ZNF432: variants seen among roughly 807,000 people sequenced by gnomAD.
ZNF432 encodes the protein zinc finger protein 432.
A neutral mutation model predicts 13.9 loss-of-function variants in ZNF432; 10 were observed. That is an observed-to-expected ratio of 0.72 (90% CI 0.44 to 1.22). The LOEUF (loss-of-function observed/expected upper bound fraction) is 1.22. Among genes scored for constraint, ZNF432 ranks in the 50% most tolerant of loss-of-function variants. The probability of loss-of-function intolerance (pLI) is 0.00; values close to 1 mark genes in which losing one functional copy is unlikely to be tolerated. For missense variants in ZNF432, 793 were observed against 796.2 expected, an observed-to-expected ratio of 1.00 and a Z score of 0.05; for synonymous variants, 247 against 256.2, an observed-to-expected ratio of 0.96 and a Z score of 0.34.
intron 1 of ZNF432, among the ~76,000 whole-genome samples, chr19:52,047,975 C>G (rs80029787): frequency 0.016 from 2,469 of 152,026 alleles, 75 homozygotes; most frequent in African/African-American, 0.056. Context: ...CCCCTTCACC[C>G]CCAAAAAACT....
chr19:52,033,957 A>C lies in ZNF432; in HGVS notation c.1722T>G (p.Cys574Trp). ...TEEKSCICSECGRGFAKETEL... is the reference protein window; with the variant it reads ...TEEKSCICSEWGRGFAKETEL... Reference sequence around the variant, plus strand: ...CTGTTTCCTTGGCAAAGCCTCTTCCACATTCACTACATATACAAGATTTCT... The same window carrying C: ...CTGTTTCCTTGGCAAAGCCTCTTCCCCATTCACTACATATACAAGATTTCT... Residue 574 changes from cysteine to tryptophan, a missense_variant, in exon 5 of 5, where the codon TGT (cysteine) becomes TGG (tryptophan). By Grantham distance (215) the Cys-to-Trp change is radical. Coordinates refer to ENST00000221315, the MANE Select transcript of ZNF432 (RefSeq NM_014650.4). The C allele has an allele frequency of 6.2e-7, 1 of 1,614,020 alleles. No homozygotes were observed. Among genetic ancestry groups the C allele is most frequent in the South Asian group, 1.1e-5 (1 of 91,058 alleles).
rs2087041172 is a variant in ZNF432 at position 52,033,917 on chromosome 19, T to C, written c.1762A>G (p.Lys588Glu). The change falls in exon 5 of 5, where the codon AAG becomes GAG. Residue 588 changes from lysine (K) to glutamate (E), a missense_variant. Transcript: ENST00000221315. ...FAKETELALH[K>E]QVHTGEKPYG... ...GGTTTTTCTCCAGTATGAACTTGCTTATGTAAAGCAAGCTCTGTTTCCTTG... is the reference window on the plus strand; with the variant it reads ...GGTTTTTCTCCAGTATGAACTTGCTCATGTAAAGCAAGCTCTGTTTCCTTG... 1.2e-6 allele frequency: 2 copies of C among 1,613,752 alleles called. No homozygotes were observed. Among genetic ancestry groups the C allele is most frequent in the African/African-American group, 1.3e-5 (1 of 74,898 alleles).
chr19:52,035,520 T>C, intron 4 of ZNF432, 80 bp from the exon 5 acceptor site: 1 of 1,110,098 alleles, frequency 9.0e-7, no homozygotes. Flanking sequence ...AAATCCTTGG[T>C]GTTTTATTTT....
intron 3 of ZNF432, among the ~76,000 whole-genome samples, chr19:52,041,093 A>G (rs1405100225): frequency 1.3e-5 from 2 of 152,164 alleles, no homozygotes; most frequent in Non-Finnish European, 2.9e-5. Flanking sequence ...AGACCGAGAC[A>G]CTGTCTCTAA....
chr19:52,039,253 C>T (rs1045342071), intron 4 of ZNF432, among the ~76,000 whole-genome samples: 5 of 152,136 alleles, frequency 3.3e-5, no homozygotes, highest in African/African-American at 1.2e-4. Context: ...TGAAAACATA[C>T]GTTCCTAAAA....
chr19:52,043,021 G>A lies in ZNF432; in HGVS notation c.16-1415C>T, dbSNP rs2087149950. Among the ~76,000 whole-genome samples the A allele has an allele frequency of 2.0e-5, 3 of 152,280 alleles. No homozygotes were observed. The South Asian group carries it at 6.2e-4, about 32-fold the overall frequency. On this transcript the variant is annotated intron_variant, in intron 2 of 4. Transcript: ENST00000221315. ...TATGGCCTAGCCCTGAATGCCACTGGAAAATAAATTGAGACCCTCTTGTCA... is the reference window on the plus strand; with the variant it reads ...TATGGCCTAGCCCTGAATGCCACTGAAAAATAAATTGAGACCCTCTTGTCA...
At chr19:52,047,653 A>G (rs2087198667) in intron 1 of ZNF432, among the ~76,000 whole-genome samples, 1 of 151,444 alleles carries the variant, frequency 6.6e-6, no homozygotes, top group Non-Finnish European at 1.5e-5. Context: ...CCTGGGCGAC[A>G]AAAGCAAGAC....
intron 2 of ZNF432, among the ~76,000 whole-genome samples, chr19:52,044,228 G>A (rs895502251): frequency 5.3e-5 from 8 of 151,758 alleles, no homozygotes; most frequent in African/African-American, 1.7e-4. Context: ...TATTTCACAC[G>A]AGAAATAAAT....
At chr19:52,042,744 T>C (rs533018226) in intron 2 of ZNF432, among the ~76,000 whole-genome samples, 2 of 152,082 alleles carry the variant, frequency 1.3e-5, no homozygotes, top group Non-Finnish European at 2.9e-5. Context: ...AAATATCCTA[T>C]AACTCAAATT....
chr19:52,048,512 C>T (rs2087216229), intron 1 of ZNF432, 183 bp downstream of exon 1: 2 of 152,292 alleles, frequency 1.3e-5, no homozygotes, highest in African/African-American at 4.8e-5. Context: ...CATGAGGGAC[C>T]CCAAAGATAT....
intron 4 of ZNF432, among the ~76,000 whole-genome samples, chr19:52,038,135 T>C (rs1424320374): frequency 6.6e-6 from 1 of 152,248 alleles, no homozygotes; most frequent in Non-Finnish European, 1.5e-5. Flanking sequence ...AAAAGTCATC[T>C]TGATAAAAAA....
At position 52,032,434 on chromosome 19, in the gene ZNF432, G is replaced by GT. The variant is rs2087022576; in HGVS notation, c.*1285_*1286insA. 3.1e-5 allele frequency: 4 copies of GT among 129,424 alleles called. No homozygotes were observed. The highest frequency in any genetic ancestry group is 5.4e-5 in the African/African-American group (2 of 37,120). 8.0% of individuals were successfully genotyped at this position (129,424 alleles called of 1,614,324 possible). A position where few individuals can be genotyped will look rare whatever the true frequency, so the allele number is the denominator to read the frequency against. On this transcript the variant is annotated 3_prime_UTR_variant, in exon 5 of 5. Coordinates refer to ENST00000221315, the MANE Select transcript of ZNF432 (RefSeq NM_014650.4). ...TAGATTTGTGACAGTCCTCAAATAT[G>GT]GTTTTTTTTTTTTTTTTTTGAGGCA... is the stretch of plus-strand genomic sequence containing the variant.
At position 52,035,155 on chromosome 19, in the gene ZNF432, GA is replaced by G. The variant is rs1269209802; in HGVS notation, c.523del (p.Ser175LeufsTer7). 6.2e-7 allele frequency: 1 copy of G among 1,613,980 alleles called. No homozygotes were observed. The highest frequency in any genetic ancestry group is 2.2e-5 in the East Asian group (1 of 44,858). On this transcript the variant is annotated frameshift_variant, in exon 5 of 5. Coordinates refer to ENST00000221315, the MANE Select transcript of ZNF432 (RefSeq NM_014650.4). LOFTEE classifies it low-confidence loss of function (END_TRUNC). ...FLHGNYEELYSAAKFSVSTKA... is the reference protein window; with the variant it reads ...FLHGNYEELYXAAKFSVSTKA... The stretch of plus-strand genomic sequence containing the variant: ...TGTACTTACAGAGAATTTAGCTGCA[GA>G]ATAAAGTTCTTCATAGTTACCATGA...
chr19:52,044,403 G>A (rs1234656112), intron 2 of ZNF432, among the ~76,000 whole-genome samples: 5 of 151,400 alleles, frequency 3.3e-5, no homozygotes, highest in Non-Finnish European at 7.4e-5. Context: ...CAAATTTTAT[G>A]AGAAAAAAAA....
At position 52,031,804 on chromosome 19, in the gene ZNF432, C is replaced by G. The variant is rs952577837; in HGVS notation, c.*1916G>C. 1.5e-4 allele frequency: 23 copies of G among 152,220 alleles called. No individual in the cohort carries two copies. The highest frequency in any genetic ancestry group is 5.3e-4 in the African/African-American group (22 of 41,454). The allele number at this position is 152,220 out of a possible 1,614,324, so 9.4% of individuals were successfully genotyped here. On this transcript the variant is annotated 3_prime_UTR_variant, in exon 5 of 5. Transcript: ENST00000221315. ...CCCGGGGTCGAGAGTTCAAGGCCAG[C>G]CTGGCCAACACAGTGAAACCCCGTC...
At chr19:52,047,464 G>A (rs946442231) in intron 1 of ZNF432, 3 of 152,198 alleles carry the variant, frequency 2.0e-5, no homozygotes, top group African/African-American at 7.2e-5. Flanking sequence ...ATCACCTGAG[G>A]TCAGGAGTTC....
In ZNF432 at chr19:52,032,484, T is replaced by G. The variant is rs573420913; in HGVS notation, c.*1236A>C. ...AGAGTTTCGCTCTTGTTGCCCAGGC[T>G]GGAATGCAATGGCGCAATCTTGGCT... is the stretch of plus-strand genomic sequence containing the variant. On this transcript the variant is annotated 3_prime_UTR_variant, in exon 5 of 5. Coordinates refer to ENST00000221315, the MANE Select transcript of ZNF432 (RefSeq NM_014650.4). 1.3e-5 allele frequency: 2 copies of G among 149,384 alleles called. No homozygotes were observed. The highest frequency in any genetic ancestry group is 4.0e-4 in the East Asian group (2 of 4,994). 9.3% of individuals were successfully genotyped at this position (149,384 alleles called of 1,614,324 possible).
At chr19:52,048,454 T>G (rs982645292) in intron 1 of ZNF432, 1 of 152,160 alleles carries the variant, frequency 6.6e-6, no homozygotes, top group Non-Finnish European at 1.5e-5. Flanking sequence ...CTCAGTACTC[T>G]TGGTCGTTGA....
chr19:52,034,214 C>A lies in ZNF432; in HGVS notation c.1465G>T (p.Glu489Ter). 6.2e-7 allele frequency: 1 copy of A among 1,614,204 alleles called. No homozygotes were observed. Among genetic ancestry groups the A allele is most frequent in the South Asian group, 1.1e-5 (1 of 91,082 alleles). Residue 489 changes from glutamate (E) to a stop codon, truncating the protein, a stop_gained, in exon 5 of 5, where the codon GAA (glutamate) becomes TAA (stop). Transcript: ENST00000221315. LOFTEE classifies it low-confidence loss of function (END_TRUNC). ...HTGEKPYRCS[E>*]CGKGFIVNSG... ...TTCACAATGAAACCTTTCCCACATT[C>A]ACTGCACCTGTAAGGTTTCTCTCCA...
Sources: gnomAD v4.1 joint callset for allele counts (sites outside exome capture counted in the v4.1 genomes callset) on GRCh38, gnomAD v4.1.1 for gene constraint, MANE v1.5 for transcripts, NCBI Gene and HGNC (gene_info 2026-07-23, HGNC 2026-07-21) for gene names.